LBR: variants seen among roughly 807,000 people sequenced by gnomAD.
The protein encoded by LBR is delta(14)-sterol reductase LBR.
Under a neutral mutation model 74.3 loss-of-function variants are expected in LBR, and 28 were observed. The observed-to-expected ratio is 0.38, with a 90% confidence interval of 0.28 to 0.52. The LOEUF (loss-of-function observed/expected upper bound fraction) is 0.52, where lower values mean the gene tolerates loss of function less well. Among genes scored for constraint, LBR ranks in the 20% least tolerant of loss-of-function variants. LBR has a pLI of 0.89. For synonymous variants in LBR, 228 were observed against 269.3 expected (o/e 0.85, Z 1.50); for missense variants, 717 against 760.3 (o/e 0.94, Z 0.67).
At position 225,412,642 on chromosome 1, in the gene LBR, A is replaced by G; in HGVS notation, c.896T>C (p.Phe299Ser). ...TGCAGATGTCAGGATAAAAGCATAG[A>G]ATCCTTTAAAAAAAAAAAAAAAAGG... Reference protein sequence around the residue: ...GRRLKYRLNGFYAFILTSAVI... With the variant: ...GRRLKYRLNGSYAFILTSAVI... Residue 299 changes from phenylalanine to serine, a missense_variant, in exon 8 of 14, where the codon TTC (phenylalanine) becomes TCC (serine). Coordinates refer to ENST00000272163, the MANE Select transcript of LBR (RefSeq NM_002296.4). 6.3e-7 allele frequency: 1 copy of G among 1,597,420 alleles called. No individual in the cohort carries two copies. The highest frequency in any genetic ancestry group is 1.7e-4 in the Middle Eastern group (1 of 6,004).
At chr1:225,416,537 T>G (rs2096117471) in intron 6 of LBR, among the ~76,000 whole-genome samples, 1 of 152,250 alleles carries the variant, frequency 6.6e-6, no homozygotes, top group African/African-American at 2.4e-5. Flanking sequence ...AAAAGCTGTT[T>G]GAGATCACAG....
intron 3 of LBR, among the ~76,000 whole-genome samples, chr1:225,421,035 T>G (rs1170326428): frequency 1.3e-5 from 2 of 152,194 alleles, no homozygotes; most frequent in Admixed American, 1.3e-4. Context: ...AGAGCTGACT[T>G]TAACGATTAA....
intron 6 of LBR, chr1:225,417,667 A>G (rs959883078): frequency 1.1e-4 from 28 of 265,556 alleles, no homozygotes; most frequent in African/African-American, 2.7e-4. Flanking sequence ...AAAATAGCCT[A>G]TTCTTTTCTA....
At chr1:225,426,569 C>T (rs1475816489) in intron 1 of LBR, among the ~76,000 whole-genome samples, 1 of 152,220 alleles carries the variant, frequency 6.6e-6, no homozygotes, top group Non-Finnish European at 1.5e-5. Flanking sequence ...CGGTATGTTA[C>T]TGTTTGTGAA....
At chr1:225,416,973 G>C (rs2096118341) in intron 6 of LBR, among the ~76,000 whole-genome samples, 1 of 152,026 alleles carries the variant, frequency 6.6e-6, no homozygotes, top group Non-Finnish European at 1.5e-5. Flanking sequence ...AGGATATCAA[G>C]GGATGACTGC....
At chr1:225,413,106 T>C (rs2096109591) in intron 7 of LBR, among the ~76,000 whole-genome samples, 1 of 152,180 alleles carries the variant, frequency 6.6e-6, no homozygotes, top group African/African-American at 2.4e-5. Context: ...TTATAAATAT[T>C]TATACTTAAC....
chr1:225,404,380 C>G (rs1343306813), intron 13 of LBR, 24 bp downstream of exon 13: 1 of 1,613,408 alleles, frequency 6.2e-7, no homozygotes, highest in Non-Finnish European at 8.5e-7. Context: ...AAGGGTCAAA[C>G]TAGCACTCTT....
rs113160233 is a variant in LBR at position 225,410,272 on chromosome 1, G to C, written c.1314+19C>G. Reference sequence around the variant, plus strand: ...CAAAGCCATCTGACTCCAAGGCCTCGGCTCTTAAAATTAATTACCTCATTC... The same window carrying C: ...CAAAGCCATCTGACTCCAAGGCCTCCGCTCTTAAAATTAATTACCTCATTC... On this transcript the variant is annotated intron_variant, in intron 10 of 13. Coordinates refer to ENST00000272163, the MANE Select transcript of LBR (RefSeq NM_002296.4). The C allele has an allele frequency of 1.9e-5, 30 of 1,613,428 alleles. No homozygotes were observed. Among genetic ancestry groups the C allele is most frequent in the Non-Finnish European group, 1.9e-5 (23 of 1,179,786 alleles).
rs149534786 is a variant in LBR at position 225,403,390 on chromosome 1, G to C, written c.1761C>G (p.Asp587Glu). 6.2e-7 allele frequency: 1 copy of C among 1,613,378 alleles called. No individual in the cohort carries two copies. ...CGTATTTCTTCTTACAGTGGTACTC[G>C]TCACGAGCTTCTCGGTGGACAAGCA... The part of the protein sequence containing the change: ...TMLLVHREAR[D>E]EYHCKKKYGV... The change falls in exon 14 of 14, where the codon GAC (aspartate) becomes GAG (glutamate). Residue 587 changes from aspartate (D) to glutamate (E), a missense_variant. Physicochemically the swap from Asp to Glu is conservative, Grantham distance 45. Transcript: ENST00000272163.
In LBR at chr1:225,421,039, C is replaced by G. The variant is rs374409231; in HGVS notation, c.366+1038G>C. Among the ~76,000 whole-genome samples the G allele has an allele frequency of 1.6e-4, 24 of 152,110 alleles. 1 individual carries two copies. The highest frequency in any genetic ancestry group is 1.5e-3 in the East Asian group (8 of 5,178). ...CTATCATTGACAGAGCTGACTTTAACGATTAAGTTACATGTATACAATTTA... is the reference window on the plus strand; with the variant it reads ...CTATCATTGACAGAGCTGACTTTAAGGATTAAGTTACATGTATACAATTTA... On this transcript the variant is annotated intron_variant, in intron 3 of 13. Coordinates refer to ENST00000272163, the MANE Select transcript of LBR (RefSeq NM_002296.4).
intron 1 of LBR, 89 bp from the exon 2 acceptor site, chr1:225,424,178 T>C: frequency 2.0e-6 from 2 of 1,010,736 alleles, no homozygotes; most frequent in Non-Finnish European, 3.1e-6. Context: ...AAAATACAAC[T>C]TTCCAGAATT....
chr1:225,412,217 G>C (rs769190020), intron 8 of LBR, among the ~76,000 whole-genome samples: 1 of 152,134 alleles, frequency 6.6e-6, no homozygotes, highest in Non-Finnish European at 1.5e-5. Flanking sequence ...ACGTCTTACT[G>C]TCATCAAGCA....
chr1:225,417,979 C>T lies in LBR; in HGVS notation c.837+5G>A, dbSNP rs755762718. ...TAAAACAAAACAGAATTACCATAAA[C>T]GTACCTTTCCAATTGGCAGTAGGTA... On this transcript the variant is annotated splice_donor_5th_base_variant and intron_variant, in intron 6 of 13. Coordinates refer to ENST00000272163, the MANE Select transcript of LBR (RefSeq NM_002296.4). 33 of 1,613,006 alleles carry T rather than the reference C, an allele frequency of 2.0e-5. No homozygotes were observed. The highest frequency in any genetic ancestry group is 2.3e-5 in the Non-Finnish European group (27 of 1,179,100).
intron 7 of LBR, chr1:225,414,173 C>G (rs752879584): frequency 2.2e-6 from 1 of 456,324 alleles, no homozygotes; most frequent in South Asian, 1.5e-5. Context: ...GTATTAAGCA[C>G]CCACCAGGGG....
intron 2 of LBR, 49 bp from the exon 3 acceptor site, chr1:225,422,326 T>A: frequency 6.9e-7 from 1 of 1,447,730 alleles, no homozygotes; most frequent in Non-Finnish European, 9.6e-7. Flanking sequence ...TCATAACACA[T>A]ACAGACAGAC....
chr1:225,406,156 C>A (rs16844847), intron 11 of LBR, among the ~76,000 whole-genome samples: 5,787 of 152,174 alleles, frequency 0.038, 147 homozygotes, highest in Middle Eastern at 0.061. Flanking sequence ...TCTAAAACTC[C>A]AATCGAACAC....
intron 7 of LBR, chr1:225,414,217 CAT>C (rs1260602190): frequency 2.2e-6 from 1 of 445,726 alleles, no homozygotes; most frequent in Non-Finnish European, 4.5e-6. Flanking sequence ...CGTTTTATCA[CAT>C]GACTGGCACT....
upstream of LBR, chr1:225,428,676 G>C (rs75691342): frequency 0.078 from 11,810 of 152,220 alleles, 563 homozygotes; most frequent in South Asian, 0.23. Context: ...GAGGGAGGGG[G>C]AAGAATGGCC....
rs1575216891 is a variant in LBR, at chr1:225,403,232, G to A, written c.*71C>T. 1.3e-6 allele frequency: 2 copies of A among 1,506,224 alleles called. No individual in the cohort carries two copies. Among genetic ancestry groups the A allele is most frequent in the Non-Finnish European group, 1.8e-6 (2 of 1,082,330 alleles). 93.3% of individuals were successfully genotyped at this position (1,506,224 alleles called of 1,614,324 possible). A position where few individuals can be genotyped will look rare whatever the true frequency, so the allele number is the denominator to read the frequency against. ...GTCAGTGCAACAAAAGAAAGTTTCG[G>A]ATTTTTTTCCTTGTTTTTGCAAATG... On this transcript the variant is annotated 3_prime_UTR_variant, in exon 14 of 14. Coordinates refer to ENST00000272163, the MANE Select transcript of LBR (RefSeq NM_002296.4).
Sources: gnomAD v4.1 joint callset for allele counts (sites outside exome capture counted in the v4.1 genomes callset) on GRCh38, gnomAD v4.1.1 for gene constraint, MANE v1.5 for transcripts, NCBI Gene and HGNC (gene_info 2026-07-23, HGNC 2026-07-21) for gene names.